The following GTF2F2 variants were observed in gnomAD, a reference collection of about 807,000 sequenced individuals.
The protein encoded by GTF2F2 is general transcription factor IIF subunit 2.
A neutral mutation model predicts 42.2 loss-of-function variants in GTF2F2; 23 were observed. The ratio of observed to expected loss-of-function variants is 0.55; its 90% CI spans 0.39 to 0.77. The LOEUF is 0.77. GTF2F2 is among the 30% of genes least tolerant of loss of function. GTF2F2 has a pLI of 0.00. For synonymous variants in GTF2F2, 105 were observed against 100.8 expected, an observed-to-expected ratio of 1.04 and a Z score of -0.25; for missense variants, 261 against 287.2, an observed-to-expected ratio of 0.91 and a Z score of 0.66.
chr13:45,129,041 T>G (rs922627245), intron 1 of GTF2F2, among the ~76,000 whole-genome samples: 10 of 152,226 alleles, frequency 6.6e-5, no homozygotes, highest in Admixed American at 2.6e-4. Context: ...TCCAGTAGTT[T>G]GATCACAGAA....
chr13:45,152,204 C>T (rs765189623), intron 4 of GTF2F2, among the ~76,000 whole-genome samples: 8 of 152,256 alleles, frequency 5.3e-5, no homozygotes, highest in African/African-American at 1.7e-4. Context: ...CGTGAGCCAC[C>T]GCACCCAGCC....
intron 5 of GTF2F2, among the ~76,000 whole-genome samples, chr13:45,233,223 G>A (rs1448765759): frequency 6.6e-6 from 1 of 152,108 alleles, no homozygotes; most frequent in Non-Finnish European, 1.5e-5. Context: ...CTGCATTCTA[G>A]CCTGGGCAGC....
At chr13:45,168,912 T>TTCCTTCCCTCCCTCCC (rs1871451789) in intron 4 of GTF2F2, among the ~76,000 whole-genome samples, 1 of 68,444 alleles carries the variant, frequency 1.5e-5, no homozygotes, top group Non-Finnish European at 2.8e-5. Flanking sequence ...TCCCTCCTCC[T>TTCCTTCCCTCCCTCCC]TCCTTCCCTC....
At position 45,283,430 on chromosome 13, in the gene GTF2F2, T is replaced by C; in HGVS notation, c.631-12T>C. On this transcript the variant is annotated splice_polypyrimidine_tract_variant and intron_variant, in intron 7 of 7. Transcript: ENST00000340473. ...ATAATCTCATTTGTTAGGGGTTTTGTTTTTGTTTTAGGTGTACCTGAAGGA... is the reference window on the plus strand; with the variant it reads ...ATAATCTCATTTGTTAGGGGTTTTGCTTTTGTTTTAGGTGTACCTGAAGGA... 1 of 1,602,042 alleles carries C rather than the reference T, an allele frequency of 6.2e-7. No homozygotes were observed. Among genetic ancestry groups the C allele is most frequent in the South Asian group, 1.1e-5 (1 of 89,074 alleles).
intron 6 of GTF2F2, among the ~76,000 whole-genome samples, chr13:45,255,120 C>G (rs569543458): frequency 3.0e-5 from 4 of 132,052 alleles, no homozygotes; most frequent in African/African-American, 1.2e-4. Flanking sequence ...GAGCCGAGAT[C>G]ACACCATTGC....
intron 7 of GTF2F2, among the ~76,000 whole-genome samples, chr13:45,282,714 A>T (rs1877314797): frequency 6.6e-6 from 1 of 152,160 alleles, no homozygotes; most frequent in South Asian, 2.1e-4. Flanking sequence ...CATGTTGGCC[A>T]GGCTGGTCTC....
intron 4 of GTF2F2, among the ~76,000 whole-genome samples, chr13:45,181,265 C>G (rs75764019): frequency 0.028 from 4,207 of 151,068 alleles, 198 homozygotes; most frequent in African/African-American, 0.091. Flanking sequence ...ATACCTCCCT[C>G]TCTTCTTCTT....
intron 2 of GTF2F2, among the ~76,000 whole-genome samples, chr13:45,148,025 TC>T (rs1391270881): frequency 1.3e-5 from 2 of 152,166 alleles, no homozygotes; most frequent in African/African-American, 2.4e-5. Context: ...AACTGGGACT[TC>T]CTTGAGGTCA....
chr13:45,166,565 GT>G (rs1482275419), intron 4 of GTF2F2, among the ~76,000 whole-genome samples: 4 of 152,164 alleles, frequency 2.6e-5, no homozygotes, highest in Admixed American at 1.3e-4. Flanking sequence ...CATATGGATT[GT>G]TTTCAGATTG....
In GTF2F2 at chr13:45,147,281, C is replaced by T. The variant is rs1388970093; in HGVS notation, c.141-2489C>T. ...ACGTTCTACCACTAGCTGCTTCAAG[C>T]TGTCTTTACTTTCTATGTGGGTGTT... On this transcript the variant is annotated intron_variant, in intron 2 of 7. Coordinates refer to ENST00000340473, the MANE Select transcript of GTF2F2 (RefSeq NM_004128.3). 2.0e-5 allele frequency among the ~76,000 whole-genome samples: 3 copies of T among 152,234 alleles called. No homozygotes were observed. The South Asian group carries it at 6.2e-4, about 31-fold the overall frequency.
At chr13:45,211,778 G>A (rs1220528049) in intron 5 of GTF2F2, among the ~76,000 whole-genome samples, 1 of 150,490 alleles carries the variant, frequency 6.6e-6, no homozygotes, top group African/African-American at 2.4e-5. Context: ...GGAGAGACGG[G>A]TTTCTCCATG....
At chr13:45,180,708 A>G (rs1872111135) in intron 4 of GTF2F2, among the ~76,000 whole-genome samples, 1 of 152,140 alleles carries the variant, frequency 6.6e-6, no homozygotes, top group Admixed American at 6.5e-5. Context: ...ATTTTTATCC[A>G]ATAAAAATTT....
chr13:45,198,080 TA>T lies in GTF2F2; in HGVS notation c.305-9342del, dbSNP rs112106824. Among the ~76,000 whole-genome samples, 329 of 152,362 alleles carry T rather than the reference TA, an allele frequency of 2.2e-3. 3 individuals carry two copies. The highest frequency in any genetic ancestry group is 7.6e-3 in the African/African-American group (314 of 41,584). On this transcript the variant is annotated intron_variant, in intron 4 of 7. Coordinates refer to ENST00000340473, the MANE Select transcript of GTF2F2 (RefSeq NM_004128.3). ...TGTCTTAGACAGCTTTAATCATATA[TA>T]ACCAACTTTGAGAATTTAAACTGGT...
intron 7 of GTF2F2, among the ~76,000 whole-genome samples, chr13:45,275,072 G>C (rs1198082823): frequency 6.6e-6 from 1 of 152,034 alleles, no homozygotes. Context: ...CTCCCCTACA[G>C]GGAACCACTA....
chr13:45,245,700 T>C (rs1407809351), intron 5 of GTF2F2, among the ~76,000 whole-genome samples: 2,278 of 65,432 alleles, frequency 0.035, 47 homozygotes, highest in African/African-American at 0.19. Flanking sequence ...TATATATATA[T>C]ACATATACAT....
intron 7 of GTF2F2, among the ~76,000 whole-genome samples, chr13:45,270,136 T>G (rs576770754): frequency 1.8e-4 from 27 of 152,196 alleles, no homozygotes; most frequent in African/African-American, 6.3e-4. Context: ...GGCCAAAACC[T>G]TCATTTCTAT....
intron 4 of GTF2F2, among the ~76,000 whole-genome samples, chr13:45,155,447 G>A (rs539695767): frequency 4.6e-5 from 7 of 152,252 alleles, no homozygotes; most frequent in Non-Finnish European, 1.0e-4. Context: ...AGGAGTTTTA[G>A]TTTTAATAAC....
At chr13:45,251,178 T>C (rs1470965544) in intron 5 of GTF2F2, among the ~76,000 whole-genome samples, 1 of 152,138 alleles carries the variant, frequency 6.6e-6, no homozygotes, top group Non-Finnish European at 1.5e-5. Flanking sequence ...TTCTCAGCAA[T>C]TTGATAGTAT....
chr13:45,144,968 A>G (rs1336639439), intron 2 of GTF2F2, among the ~76,000 whole-genome samples: 1 of 152,220 alleles, frequency 6.6e-6, no homozygotes, highest in African/African-American at 2.4e-5. Flanking sequence ...TCAAAACAAC[A>G]TAGAATAACA....
Sources: allele counts gnomAD v4.1 joint callset (sites outside exome capture counted in the v4.1 genomes callset), GRCh38; gene constraint gnomAD v4.1.1; transcripts MANE v1.5; gene names NCBI Gene and HGNC (gene_info 2026-07-23, HGNC 2026-07-21).